The following FAM220A variants were observed in gnomAD, a reference collection of about 807,000 sequenced individuals.
FAM220A encodes family with sequence similarity 220 member A.
For missense variants in FAM220A, 392 were observed against 321.6 expected, an observed-to-expected ratio of 1.22 and a Z score of -1.68; for synonymous variants, 141 against 130.7, an observed-to-expected ratio of 1.08 and a Z score of -0.54.
intron 1 of FAM220A, among the ~76,000 whole-genome samples, chr7:6,332,862 G>C (rs537850728): frequency 6.6e-6 from 1 of 151,966 alleles, no homozygotes; most frequent in Non-Finnish European, 1.5e-5. Context: ...ACCGCATTAA[G>C]ATTTGTTATA....
At chr7:6,341,529 A>T (rs899224128) in intron 1 of FAM220A, among the ~76,000 whole-genome samples, 13 of 149,326 alleles carry the variant, frequency 8.7e-5, no homozygotes, top group South Asian at 2.1e-4. Flanking sequence ...CTAAAAAAAA[A>T]TTTTTTTTAA....
chr7:6,332,010 G>A (rs1781646264), intron 1 of FAM220A, among the ~76,000 whole-genome samples: 1 of 151,650 alleles, frequency 6.6e-6, no homozygotes, highest in African/African-American at 2.4e-5. Flanking sequence ...TAGTTGGGAG[G>A]CTGAGGTGGG....
intron 1 of FAM220A, among the ~76,000 whole-genome samples, chr7:6,341,188 A>C (rs28817584): frequency 1.3e-5 from 2 of 149,844 alleles, no homozygotes; most frequent in East Asian, 4.0e-4. Context: ...CTCACCCCTG[A>C]AATCCCAGCA....
chr7:6,339,584 C>T (rs571150006), intron 1 of FAM220A, among the ~76,000 whole-genome samples: 3 of 151,072 alleles, frequency 2.0e-5, no homozygotes, highest in East Asian at 4.0e-4. Flanking sequence ...CCCAGGTTCA[C>T]GCCATTCCGC....
intron 1 of FAM220A, among the ~76,000 whole-genome samples, chr7:6,346,115 C>T (rs1190793339): frequency 6.6e-6 from 1 of 151,908 alleles, no homozygotes; most frequent in Non-Finnish European, 1.5e-5. Context: ...AAAATCTTGA[C>T]TTCTGATTTC....
intron 1 of FAM220A, among the ~76,000 whole-genome samples, chr7:6,344,457 C>T (rs1781921279): frequency 6.6e-6 from 1 of 152,070 alleles, no homozygotes; most frequent in Non-Finnish European, 1.5e-5. Flanking sequence ...GGGTCTTGCT[C>T]TGTTGCCCAG....
At chr7:6,343,620 A>G (rs534768171) in intron 1 of FAM220A, among the ~76,000 whole-genome samples, 2 of 151,912 alleles carry the variant, frequency 1.3e-5, no homozygotes, top group East Asian at 1.9e-4. Context: ...TTCTGTATAA[A>G]TAAGAAGGAT....
chr7:6,333,853 T>G (rs868797587), intron 1 of FAM220A, among the ~76,000 whole-genome samples: 6 of 148,048 alleles, frequency 4.1e-5, no homozygotes, highest in Non-Finnish European at 7.5e-5. Flanking sequence ...TTTTTTTTTT[T>G]TTTTTTTTGA....
In FAM220A at chr7:6,330,882, TCTTA is replaced by T. The variant is rs1371059897; in HGVS notation, c.269_272del (p.Val90GlufsTer114). On this transcript the variant is annotated frameshift_variant, in exon 2 of 2. Coordinates refer to ENST00000313324, the MANE Select transcript of FAM220A (RefSeq NM_001037163.2). LOFTEE classifies it low-confidence loss of function (END_TRUNC). Reference sequence around the variant, plus strand: ...GAGTGGCTGCTGAGGCTGGATTTCTTCTTACTGATTCTCTCACATATGGAAGCAC... The same window carrying T: ...GAGTGGCTGCTGAGGCTGGATTTCTTCTGATTCTCTCACATATGGAAGCAC... 3 of 1,614,178 alleles carry T rather than the reference TCTTA, an allele frequency of 1.9e-6. No individual in the cohort carries two copies. Among genetic ancestry groups the T allele is most frequent in the South Asian group, 1.1e-5 (1 of 91,084 alleles).
chr7:6,342,552 A>T (rs1450712344), intron 1 of FAM220A, among the ~76,000 whole-genome samples: 1 of 152,044 alleles, frequency 6.6e-6, no homozygotes, highest in Admixed American at 6.6e-5. Context: ...AAAAAAAGTG[A>T]TCTTTTTGAA....
At chr7:6,331,569 A>C (rs1468038711) in intron 1 of FAM220A, among the ~76,000 whole-genome samples, 3 of 151,974 alleles carry the variant, frequency 2.0e-5, no homozygotes, top group Admixed American at 2.0e-4. Flanking sequence ...TTTAATAGAG[A>C]CAAGGTTTCA....
chr7:6,337,689 A>G (rs147618446), intron 1 of FAM220A, among the ~76,000 whole-genome samples: 29 of 151,880 alleles, frequency 1.9e-4, no homozygotes, highest in African/African-American at 6.5e-4. Flanking sequence ...AATAAGGTAA[A>G]CATGTATTCA....
chr7:6,332,968 G>T (rs988828820), intron 1 of FAM220A, among the ~76,000 whole-genome samples: 2 of 152,020 alleles, frequency 1.3e-5, no homozygotes, highest in African/African-American at 2.4e-5. Flanking sequence ...AGACAAGCAT[G>T]GTCAACATGG....
intron 1 of FAM220A, among the ~76,000 whole-genome samples, chr7:6,333,939 C>T (rs190232377): frequency 2.8e-4 from 42 of 150,480 alleles, no homozygotes; most frequent in African/African-American, 7.3e-4. Context: ...CTCCACCTCC[C>T]GGGTTCACGC....
intron 1 of FAM220A, among the ~76,000 whole-genome samples, chr7:6,347,580 A>G (rs1781977318): frequency 6.6e-6 from 1 of 151,638 alleles, no homozygotes; most frequent in African/African-American, 2.4e-5. Context: ...CTGGGGTGTG[A>G]GCATACTCTA....
chr7:6,330,284 G>A lies in FAM220A; in HGVS notation c.*91C>T, dbSNP rs1189211761. The A allele has an allele frequency of 5.2e-5, 65 of 1,251,438 alleles. 1 individual carries two copies. Among genetic ancestry groups the A allele is most frequent in the Middle Eastern group, 2.3e-4 (1 of 4,302 alleles). 77.5% of individuals were successfully genotyped at this position (1,251,438 alleles called of 1,614,324 possible). Reference sequence around the variant, plus strand: ...TACAAAACTACAGCAGGAACCTAAGGGCTGCACAGTTTGCATCCAGACTTA... The same window carrying A: ...TACAAAACTACAGCAGGAACCTAAGAGCTGCACAGTTTGCATCCAGACTTA... On this transcript the variant is annotated 3_prime_UTR_variant, in exon 2 of 2. Transcript: ENST00000313324.
chr7:6,331,280 G>T, intron 1 of FAM220A, 45 bp from the exon 2 acceptor site: 6 of 891,162 alleles, frequency 6.7e-6, no homozygotes, highest in Non-Finnish European at 1.0e-5. Flanking sequence ...AAGACACATG[G>T]GTCTTAAGAG....
intron 1 of FAM220A, among the ~76,000 whole-genome samples, chr7:6,344,575 C>T (rs982777239): frequency 1.3e-5 from 2 of 152,026 alleles, no homozygotes; most frequent in Middle Eastern, 3.4e-3. Flanking sequence ...TGCACCACCA[C>T]GCCCAGCTAA....
rs1282037930 is a variant in FAM220A, at chr7:6,348,891, T to G, written c.-400A>C. On this transcript the variant is annotated 5_prime_UTR_variant, in exon 1 of 2. Coordinates refer to ENST00000313324, the MANE Select transcript of FAM220A (RefSeq NM_001037163.2). The stretch of plus-strand genomic sequence containing the variant: ...AGACCGGCGGGCGGGCGGGCCGCAG[T>G]GGAGCGGAGTCCGCACGTCACGCTC... The G allele has an allele frequency of 2.6e-6, 1 of 387,590 alleles. No homozygotes were observed. The highest frequency in any genetic ancestry group is 4.6e-6 in the Non-Finnish European group (1 of 219,596). The allele number at this position is 387,590 out of a possible 1,614,324, so 24.0% of individuals were successfully genotyped here.
Sources: allele counts gnomAD v4.1 joint callset (sites outside exome capture counted in the v4.1 genomes callset), GRCh38; gene constraint gnomAD v4.1.1; transcripts MANE v1.5; gene names NCBI Gene and HGNC (gene_info 2026-07-23, HGNC 2026-07-21).